KCNH1: variants seen among roughly 807,000 people sequenced by gnomAD.
The protein encoded by KCNH1 is voltage-gated delayed rectifier potassium channel KCNH1.
A neutral mutation model predicts 69.2 loss-of-function variants in KCNH1; 27 were observed. The observed-to-expected ratio is 0.39, with a 90% CI of 0.29 to 0.54. The LOEUF (loss-of-function observed/expected upper bound fraction) is 0.54. Ranked by LOEUF, KCNH1 falls within the 20% of genes least tolerant of loss-of-function variation. The pLI is 0.68. For synonymous variants in KCNH1, 456 were observed against 487.7 expected (o/e 0.93, Z 0.86); for missense variants, 798 against 1,261.6 (o/e 0.63, Z 5.57).
chr1:211,110,041 C>T (rs1297199790), intron 1 of KCNH1, among the ~76,000 whole-genome samples: 2 of 149,740 alleles, frequency 1.3e-5, no homozygotes, highest in Non-Finnish European at 3.0e-5. Flanking sequence ...AAAAAAAAGA[C>T]ATGAGGATCA....
At chr1:210,897,918 G>A (rs950937764) in intron 7 of KCNH1, among the ~76,000 whole-genome samples, 17 of 152,190 alleles carry the variant, frequency 1.1e-4, no homozygotes, top group African/African-American at 3.9e-4. Context: ...GAGTGGGCTA[G>A]GAAGACTGTT....
chr1:211,040,673 G>A (rs575252796), intron 5 of KCNH1, among the ~76,000 whole-genome samples: 1 of 152,250 alleles, frequency 6.6e-6, no homozygotes, highest in African/African-American at 2.4e-5. Flanking sequence ...ATCATGCAAA[G>A]TGATTTTTGC....
At chr1:210,748,113 A>G (rs923420578) in intron 10 of KCNH1, among the ~76,000 whole-genome samples, 22 of 152,214 alleles carry the variant, frequency 1.4e-4, no homozygotes, top group African/African-American at 5.3e-4. Context: ...TGTGAAGGCC[A>G]GGTCCCAGGG....
At chr1:211,011,925 C>T (rs1689403099) in intron 6 of KCNH1, among the ~76,000 whole-genome samples, 2 of 152,200 alleles carry the variant, frequency 1.3e-5, no homozygotes, top group South Asian at 4.1e-4. Flanking sequence ...ATGTTTCTAG[C>T]ATGGAGGCAG....
intron 10 of KCNH1, among the ~76,000 whole-genome samples, chr1:210,718,546 G>GTATATATATAAAATATATACATATATT (rs1558438527): frequency 0.066 from 1,832 of 27,878 alleles, 365 homozygotes; most frequent in Admixed American, 0.11. Context: ...ATACATATAT[G>GTATATATATAAAATATATACATATATT]TATATATATA....
intron 10 of KCNH1, among the ~76,000 whole-genome samples, chr1:210,726,812 G>C (rs987696029): frequency 6.7e-6 from 1 of 149,540 alleles, no homozygotes; most frequent in African/African-American, 2.5e-5. Context: ...TTCCCCGGCG[G>C]GGGTGGGGTG....
intron 10 of KCNH1, among the ~76,000 whole-genome samples, chr1:210,719,700 T>TTAAAG (rs1211748707): frequency 6.6e-6 from 1 of 152,138 alleles, no homozygotes; most frequent in East Asian, 1.9e-4. Context: ...ATCTCAGAAC[T>TTAAAG]TAAAGTAAAA....
intron 6 of KCNH1, among the ~76,000 whole-genome samples, chr1:210,921,194 T>A (rs775013580): frequency 1.3e-5 from 2 of 152,198 alleles, no homozygotes; most frequent in Non-Finnish European, 2.9e-5. Flanking sequence ...AGAAGCCACA[T>A]CATTTAAAAC....
rs534071660 is a variant in KCNH1, at chr1:210,876,335, A to G, written c.1462+43305T>C. On this transcript the variant is annotated intron_variant, in intron 7 of 10. Coordinates refer to ENST00000271751, the MANE Select transcript of KCNH1 (RefSeq NM_172362.3). ...GGCATCTCAAATTTTACAATACCAA[A>G]CCTGAATCCTTCCATCTACCTTCCT... is the stretch of plus-strand genomic sequence containing the variant. Among the ~76,000 whole-genome samples the G allele has an allele frequency of 2.0e-5, 3 of 152,214 alleles. No individual in the cohort carries two copies. The East Asian group carries it at 5.8e-4, about 29-fold the overall frequency.
At position 210,775,548 on chromosome 1, in the gene KCNH1, A is replaced by C; in HGVS notation, c.1916-4T>G. 6.2e-7 allele frequency: 1 copy of C among 1,611,386 alleles called. No homozygotes were observed. The highest frequency in any genetic ancestry group is 8.5e-7 in the Non-Finnish European group (1 of 1,178,056). ...TCTCCAAACACGTCTCCTTTTCCTA[A>C]GGAGAGAAGGTTGTCATGAGGAAAG... On this transcript the variant is annotated splice_region_variant and splice_polypyrimidine_tract_variant and intron_variant, in intron 9 of 10. Transcript: ENST00000271751.
At chr1:210,791,727 T>C (rs1684217681) in intron 9 of KCNH1, among the ~76,000 whole-genome samples, 1 of 152,146 alleles carries the variant, frequency 6.6e-6, no homozygotes, top group African/African-American at 2.4e-5. Flanking sequence ...AGAACATTCC[T>C]CCAAGACAAG....
chr1:211,124,513 G>A (rs1185548977), intron 1 of KCNH1, among the ~76,000 whole-genome samples: 3 of 152,108 alleles, frequency 2.0e-5, no homozygotes, highest in African/African-American at 4.8e-5. Context: ...GCGTGGTGGC[G>A]GGTGCCTGTA....
intron 7 of KCNH1, among the ~76,000 whole-genome samples, chr1:210,879,113 T>G (rs185922527): frequency 2.0e-5 from 3 of 152,188 alleles, no homozygotes; most frequent in Admixed American, 2.0e-4. Flanking sequence ...ATTCAAAAAT[T>G]GGATCAATAA....
intron 10 of KCNH1, among the ~76,000 whole-genome samples, chr1:210,748,920 C>T (rs900553520): frequency 2.0e-5 from 3 of 152,202 alleles, no homozygotes; most frequent in Admixed American, 6.5e-5. Flanking sequence ...GTCCTACCTG[C>T]TCCCACTGCC....
chr1:210,922,939 C>T (rs1356848710), intron 6 of KCNH1, among the ~76,000 whole-genome samples: 2 of 152,234 alleles, frequency 1.3e-5, no homozygotes, highest in African/African-American at 4.8e-5. Flanking sequence ...CAGTTCTACT[C>T]TGAAGCAGAA....
chr1:210,721,812 TAAATA>T, intron 10 of KCNH1, among the ~76,000 whole-genome samples: 1 of 151,686 alleles, frequency 6.6e-6, no homozygotes, highest in East Asian at 1.9e-4. Flanking sequence ...AATAAATAAA[TAAATA>T]AATAAATAAA....
rs529477456 is a variant in KCNH1 at position 210,916,198 on chromosome 1, G to A, written c.1462+3442C>T. Among the ~76,000 whole-genome samples the A allele has an allele frequency of 4.0e-4, 61 of 152,196 alleles. 1 individual carries two copies. Among genetic ancestry groups the A allele is most frequent in the African/African-American group, 1.4e-3 (59 of 41,538 alleles). On this transcript the variant is annotated intron_variant, in intron 7 of 10. Transcript: ENST00000271751. ...GGCAAAAAAGGGTAAAAGAGAACTC[G>A]GTAAATCTAGTAAGACATCAGCAGT...
intron 5 of KCNH1, among the ~76,000 whole-genome samples, chr1:211,037,492 C>CTTTTT (rs59386390): frequency 1.3e-4 from 15 of 115,346 alleles, no homozygotes; most frequent in East Asian, 2.5e-4. Context: ...TAATTCAGTG[C>CTTTTT]TTTTTTTTTT....
At chr1:210,923,425 C>T (rs1162449164) in intron 6 of KCNH1, among the ~76,000 whole-genome samples, 2 of 152,176 alleles carry the variant, frequency 1.3e-5, no homozygotes, top group African/African-American at 2.4e-5. Flanking sequence ...TCTTACCTCC[C>T]TCTTACTTTG....
Sources: allele counts gnomAD v4.1 joint callset (sites outside exome capture counted in the v4.1 genomes callset), GRCh38; gene constraint gnomAD v4.1.1; transcripts MANE v1.5; gene names NCBI Gene and HGNC (gene_info 2026-07-23, HGNC 2026-07-21).